GTF2A2: variants seen among roughly 807,000 people sequenced by gnomAD.
GTF2A2 encodes the protein transcription initiation factor IIA subunit 2.
Under a neutral mutation model 14.3 loss-of-function variants are expected in GTF2A2, and 9 were observed. The observed-to-expected ratio is 0.63, with a 90% CI of 0.38 to 1.10. The LOEUF is 1.10. Ranked by LOEUF, GTF2A2 falls within the 50% of genes least tolerant of loss-of-function variation. The probability of loss-of-function intolerance (pLI) is 0.01; values close to 1 mark genes in which losing one functional copy is unlikely to be tolerated. For missense variants in GTF2A2, 90 were observed against 124.6 expected, an observed-to-expected ratio of 0.72 and a Z score of 1.32; for synonymous variants, 56 against 46.0, an observed-to-expected ratio of 1.22 and a Z score of -0.88.
chr15:59,650,645 C>G, intron 3 of GTF2A2, 24 bp downstream of exon 3: 4 of 1,311,742 alleles, frequency 3.0e-6, no homozygotes, highest in Non-Finnish European at 4.4e-6. Flanking sequence ...GTACAGGCTT[C>G]TAGATTCAGG....
intron 4 of GTF2A2, among the ~76,000 whole-genome samples, chr15:59,641,472 T>G (rs1354490859): frequency 6.6e-6 from 1 of 152,164 alleles, no homozygotes; most frequent in African/African-American, 2.4e-5. Flanking sequence ...ACTCCCTGTG[T>G]CAAAGAGCAG....
At chr15:59,644,880 A>T (rs1891551115) in intron 3 of GTF2A2, among the ~76,000 whole-genome samples, 1 of 152,212 alleles carries the variant, frequency 6.6e-6, no homozygotes, top group East Asian at 1.9e-4. Flanking sequence ...AAGGATCTTA[A>T]GCATAAGAGT....
intron 3 of GTF2A2, among the ~76,000 whole-genome samples, chr15:59,645,130 G>GT (rs1293608099): frequency 2.6e-5 from 4 of 152,158 alleles, no homozygotes; most frequent in African/African-American, 9.7e-5. Context: ...GAAATCCACG[G>GT]TAACTCCCAA....
intron 1 of GTF2A2, among the ~76,000 whole-genome samples, chr15:59,654,793 C>T (rs1475291999): frequency 6.6e-6 from 1 of 152,182 alleles, no homozygotes; most frequent in Non-Finnish European, 1.5e-5. Flanking sequence ...AATAGCTATA[C>T]AGGTTGAACA....
intron 4 of GTF2A2, among the ~76,000 whole-genome samples, chr15:59,640,854 AT>A (rs1891394456): frequency 2.8e-4 from 1 of 3,534 alleles, no homozygotes; most frequent in Admixed American, 5.7e-3. Flanking sequence ...AGACCCAAAT[AT>A]TGTTCCTTGC....
chr15:59,645,589 A>C (rs1891577185), intron 3 of GTF2A2, among the ~76,000 whole-genome samples: 1 of 152,342 alleles, frequency 6.6e-6, no homozygotes, highest in Admixed American at 6.5e-5. Context: ...TAAGGGAAAA[A>C]GACACAAAAT....
intron 3 of GTF2A2, among the ~76,000 whole-genome samples, chr15:59,643,067 A>G (rs1288674753): frequency 3.0e-5 from 4 of 132,458 alleles, no homozygotes; most frequent in African/African-American, 5.8e-5. Flanking sequence ...CGCCTGGCCT[A>G]TATAATTTTT....
chr15:59,639,142 G>T lies in GTF2A2; in HGVS notation c.320C>A (p.Thr107Asn). The T allele has an allele frequency of 6.8e-7, 1 of 1,460,700 alleles. No homozygotes were observed. Among genetic ancestry groups the T allele is most frequent in the Non-Finnish European group, 9.6e-7 (1 of 1,042,746 alleles). 90.5% of individuals were successfully genotyped at this position (1,460,700 alleles called of 1,614,324 possible). A position where few individuals can be genotyped will look rare whatever the true frequency, so the allele number is the denominator to read the frequency against. ...TCATATTTTTTCTATTCATTCTGTA[G>T]TATTGGAGCCAGTATCTAGGAAACA... is the stretch of plus-strand genomic sequence containing the variant. Reference protein sequence around the residue: ...ACDGKNTGSNTTE With the variant: ...ACDGKNTGSNNTE The change falls in exon 5 of 5, where the codon ACT becomes AAT. Residue 107 changes from threonine (T) to asparagine (N), a missense_variant. Physicochemically the swap from Thr to Asn is moderately conservative, Grantham distance 65. Transcript: ENST00000396060.
chr15:59,644,418 G>A (rs1480739382), intron 3 of GTF2A2: 2 of 152,170 alleles, frequency 1.3e-5, no homozygotes, highest in Non-Finnish European at 2.9e-5. Context: ...TCTATCAAGT[G>A]AGAATGACTA....
intron 3 of GTF2A2, among the ~76,000 whole-genome samples, chr15:59,647,219 A>G (rs1383788707): frequency 6.6e-6 from 1 of 152,004 alleles, no homozygotes; most frequent in Non-Finnish European, 1.5e-5. Flanking sequence ...CAGCCTCCCC[A>G]GCAGCTGGGA....
At chr15:59,648,868 A>G (rs1891701284) in intron 3 of GTF2A2, among the ~76,000 whole-genome samples, 1 of 152,106 alleles carries the variant, frequency 6.6e-6, no homozygotes, top group South Asian at 2.1e-4. Context: ...CGGGAGGCGG[A>G]GCTTGCAGTG....
chr15:59,642,374 G>A (rs1891459918), intron 3 of GTF2A2, 112 bp from the exon 4 acceptor site: 1 of 880,476 alleles, frequency 1.1e-6, no homozygotes, highest in African/African-American at 1.7e-5. Context: ...TTAATGCTTA[G>A]CTTAAGATTT....
chr15:59,639,040 C>CAATTCTAGAATAAATAAAAAGTCTCTT lies in GTF2A2; in HGVS notation c.*65_*91dup. 1.3e-6 allele frequency: 1 copy of CAATTCTAGAATAAATAAAAAGTCTCTT among 787,158 alleles called. No individual in the cohort carries two copies. The highest frequency in any genetic ancestry group is 2.2e-6 in the Non-Finnish European group (1 of 445,126). The allele number at this position is 787,158 out of a possible 1,614,324, so 48.8% of individuals were successfully genotyped here. Reference sequence around the variant, plus strand: ...GTATAGCACAGTGTAGTCATTTCTGCAATTCTAGAATAAATAAAAAGTCTC... The same window carrying CAATTCTAGAATAAATAAAAAGTCTCTT: ...GTATAGCACAGTGTAGTCATTTCTGCAATTCTAGAATAAATAAAAAGTCTCTTAATTCTAGAATAAATAAAAAGTCTC... On this transcript the variant is annotated 3_prime_UTR_variant, in exon 5 of 5. Transcript: ENST00000396060.
intron 3 of GTF2A2, among the ~76,000 whole-genome samples, chr15:59,645,162 G>A (rs1486869971): frequency 2.0e-5 from 3 of 152,190 alleles, no homozygotes; most frequent in Non-Finnish European, 2.9e-5. Flanking sequence ...GAATGTCAAT[G>A]CATTCACAGA....
At chr15:59,648,255 A>G (rs1425382250) in intron 3 of GTF2A2, among the ~76,000 whole-genome samples, 1 of 151,952 alleles carries the variant, frequency 6.6e-6, no homozygotes, top group Non-Finnish European at 1.5e-5. Context: ...TAAAAATACA[A>G]AAATTAGCTG....
Position 59,639,173 on chromosome 15 carries a change from GAAAGTA to G in GTF2A2, c.305-22_305-17del. ...GAGCCAGTATCTAGGAAACAAAAGA[GAAAGTA>G]AAGTAAAGTAAATTCAAGGAGCAAT... On this transcript the variant is annotated splice_polypyrimidine_tract_variant and intron_variant, in intron 4 of 4. Transcript: ENST00000396060. The G allele has an allele frequency of 7.1e-7, 1 of 1,403,810 alleles. No homozygotes were observed. Among genetic ancestry groups the G allele is most frequent in the Non-Finnish European group, 1.0e-6 (1 of 994,632 alleles). The allele number at this position is 1,403,810 out of a possible 1,614,324, so 87.0% of individuals were successfully genotyped here. A position where few individuals can be genotyped will look rare whatever the true frequency, so the allele number is the denominator to read the frequency against.
At chr15:59,644,799 C>A (rs1216968993) in intron 3 of GTF2A2, among the ~76,000 whole-genome samples, 3 of 152,168 alleles carry the variant, frequency 2.0e-5, no homozygotes, top group Non-Finnish European at 4.4e-5. Context: ...CAGAACGTGT[C>A]AGGAGGTCCT....
chr15:59,653,350 G>C (rs1405652033), intron 1 of GTF2A2, among the ~76,000 whole-genome samples: 1 of 152,134 alleles, frequency 6.6e-6, no homozygotes, highest in Non-Finnish European at 1.5e-5. Context: ...ATACATTTGA[G>C]GAGCAATCAT....
At chr15:59,639,710 G>A (rs950436695) in intron 4 of GTF2A2, among the ~76,000 whole-genome samples, 6 of 151,232 alleles carry the variant, frequency 4.0e-5, no homozygotes, top group Non-Finnish European at 5.9e-5. Context: ...TGCCCGCCTC[G>A]GCATCCCAAA....
Sources: allele counts gnomAD v4.1 joint callset (sites outside exome capture counted in the v4.1 genomes callset), GRCh38; gene constraint gnomAD v4.1.1; transcripts MANE v1.5; gene names NCBI Gene and HGNC (gene_info 2026-07-23, HGNC 2026-07-21).